Variants in AGBL4 observed in about 807,000 individuals in gnomAD.
The protein encoded by AGBL4 is AGBL carboxypeptidase 4.
A neutral mutation model predicts 66.4 loss-of-function variants in AGBL4; 58 were observed. That is an observed-to-expected ratio of 0.87 (90% confidence interval 0.71 to 1.09). AGBL4 has a LOEUF of 1.09. Ranked by LOEUF, AGBL4 falls within the 50% of genes least tolerant of loss-of-function variation. AGBL4 has a pLI of 0.00. For synonymous variants in AGBL4, 234 were observed against 222.9 expected (o/e 1.05, Z -0.44); for missense variants, 579 against 631.0 (o/e 0.92, Z 0.88).
intron 2 of AGBL4, among the ~76,000 whole-genome samples, chr1:49,736,559 A>G (rs1293061655): frequency 6.6e-6 from 1 of 152,166 alleles, no homozygotes; most frequent in East Asian, 1.9e-4. Flanking sequence ...AAAACACAGC[A>G]TACTAAACCT....
Position 48,818,130 on chromosome 1 carries a change from C to T in AGBL4, c.634+49061G>A, listed in dbSNP as rs1032501002. ...TCCATCTTCCAGCCGGAAACATTCCCGAGATTAGGTCAAATTCATATCTGA... is the reference window on the plus strand; with the variant it reads ...TCCATCTTCCAGCCGGAAACATTCCTGAGATTAGGTCAAATTCATATCTGA... On this transcript the variant is annotated intron_variant, in intron 6 of 13. Transcript: ENST00000371839. 5.3e-5 allele frequency: 38 copies of T among 715,600 alleles called. No homozygotes were observed. In the African/African-American group the frequency reaches 6.0e-4, roughly 11 times the overall value. The allele number at this position is 715,600 out of a possible 1,614,324, so 44.3% of individuals were successfully genotyped here.
intron 3 of AGBL4, among the ~76,000 whole-genome samples, chr1:49,426,122 T>C (rs979144049): frequency 6.6e-5 from 10 of 152,206 alleles, no homozygotes; most frequent in African/African-American, 2.4e-4. Flanking sequence ...GTCCTTACCT[T>C]TCATAAACGC....
chr1:49,612,440 G>GA (rs1440253942), intron 3 of AGBL4, among the ~76,000 whole-genome samples: 5 of 152,030 alleles, frequency 3.3e-5, no homozygotes, highest in Non-Finnish European at 7.4e-5. Flanking sequence ...AATGAAAAAT[G>GA]AAAAAAATGA....
At chr1:48,776,646 G>A (rs946476959) in intron 6 of AGBL4, 4 of 1,484,758 alleles carry the variant, frequency 2.7e-6, no homozygotes, top group Admixed American at 2.6e-5. Flanking sequence ...GCAACAGCGC[G>A]CCCCAGTCGC....
chr1:49,947,999 AAT>A (rs1293629959), intron 1 of AGBL4, among the ~76,000 whole-genome samples: 1 of 33,196 alleles, frequency 3.0e-5, no homozygotes, highest in African/African-American at 1.1e-4. Context: ...TATATATATA[AAT>A]ATATATAAAT....
At chr1:49,904,267 C>A (rs997539988) in intron 1 of AGBL4, among the ~76,000 whole-genome samples, 1 of 152,066 alleles carries the variant, frequency 6.6e-6, no homozygotes, top group Non-Finnish European at 1.5e-5. Context: ...ATTTGGCCAC[C>A]AACATCCTAT....
At chr1:48,549,279 A>G (rs1644213952) in intron 11 of AGBL4, among the ~76,000 whole-genome samples, 1 of 152,250 alleles carries the variant, frequency 6.6e-6, no homozygotes, top group Admixed American at 6.5e-5. Context: ...ACAATGAAAT[A>G]TCTTTTGTCT....
chr1:49,187,455 G>A (rs920273294), intron 4 of AGBL4: 4 of 152,020 alleles, frequency 2.6e-5, no homozygotes, highest in South Asian at 4.2e-4. Context: ...ATACATATGC[G>A]GAGACACACA....
intron 4 of AGBL4, among the ~76,000 whole-genome samples, chr1:49,073,594 A>G (rs1480052879): frequency 1.3e-5 from 2 of 152,146 alleles, no homozygotes; most frequent in Admixed American, 1.3e-4. Flanking sequence ...CAGAACAGCA[A>G]ATATCACTGC....
chr1:49,802,732 G>A (rs1438696149), intron 2 of AGBL4, among the ~76,000 whole-genome samples: 7 of 152,178 alleles, frequency 4.6e-5, no homozygotes, highest in South Asian at 2.1e-4. Flanking sequence ...ACCAGAAGGC[G>A]GTGACCCCCC....
intron 6 of AGBL4, among the ~76,000 whole-genome samples, chr1:48,738,454 CT>C (rs1401237184): frequency 6.6e-6 from 1 of 152,200 alleles, no homozygotes; most frequent in African/African-American, 2.4e-5. Context: ...CAAGTGTGGC[CT>C]TTTCTCCGCA....
In AGBL4 at chr1:49,301,733, T is replaced by C. The variant is rs182744931; in HGVS notation, c.283-55869A>G. 2.6e-5 allele frequency among the ~76,000 whole-genome samples: 4 copies of C among 152,302 alleles called. No homozygotes were observed. The East Asian group carries it at 7.7e-4, about 29-fold the overall frequency. ...TATTATGAAACCTAAGACTGTTGTTTGAGATATTTTTTAGACCTTCCATTC... is the reference window on the plus strand; with the variant it reads ...TATTATGAAACCTAAGACTGTTGTTCGAGATATTTTTTAGACCTTCCATTC... On this transcript the variant is annotated intron_variant, in intron 3 of 13. Transcript: ENST00000371839.
intron 1 of AGBL4, among the ~76,000 whole-genome samples, chr1:49,862,188 T>C (rs983712804): frequency 1.3e-5 from 2 of 151,918 alleles, no homozygotes; most frequent in South Asian, 2.1e-4. Flanking sequence ...ACATATAACA[T>C]AGAGATTGAA....
At chr1:49,277,682 T>C (rs959951140) in intron 3 of AGBL4, among the ~76,000 whole-genome samples, 5 of 151,004 alleles carry the variant, frequency 3.3e-5, no homozygotes, top group African/African-American at 9.8e-5. Context: ...AGTGGGAAAA[T>C]TGAAGATCAG....
intron 3 of AGBL4, among the ~76,000 whole-genome samples, chr1:49,634,382 A>G (rs1244800866): frequency 6.6e-6 from 1 of 152,170 alleles, no homozygotes. Context: ...GTCCCTGCAA[A>G]GGAAATGAAC....
At chr1:48,801,559 T>C (rs1230685816) in intron 6 of AGBL4, among the ~76,000 whole-genome samples, 1 of 152,224 alleles carries the variant, frequency 6.6e-6, no homozygotes, top group Non-Finnish European at 1.5e-5. Context: ...TCTACTTTAA[T>C]ATCTTGCTCA....
chr1:49,719,173 CT>C (rs747222024), intron 2 of AGBL4, among the ~76,000 whole-genome samples: 1 of 151,974 alleles, frequency 6.6e-6, no homozygotes, highest in African/African-American at 2.4e-5. Context: ...TGAAGAGCCC[CT>C]GGAAATAAAG....
chr1:49,198,845 TCTC>T (rs774523533), intron 4 of AGBL4, among the ~76,000 whole-genome samples: 1 of 152,178 alleles, frequency 6.6e-6, no homozygotes, highest in African/African-American at 2.4e-5. Flanking sequence ...CTTTTTGTCT[TCTC>T]CTATTATATT....
At chr1:49,834,929 T>G (rs1571675718) in intron 2 of AGBL4, among the ~76,000 whole-genome samples, 1 of 152,114 alleles carries the variant, frequency 6.6e-6, no homozygotes, top group African/African-American at 2.4e-5. Flanking sequence ...ACACTGTGGT[T>G]TGAGAGAATG....
Sources: gnomAD v4.1 joint callset for allele counts (sites outside exome capture counted in the v4.1 genomes callset) on GRCh38, gnomAD v4.1.1 for gene constraint, MANE v1.5 for transcripts, NCBI Gene and HGNC (gene_info 2026-07-23, HGNC 2026-07-21) for gene names.